The following GRK3 variants were observed in gnomAD, a reference collection of about 807,000 sequenced individuals.
GRK3 encodes adrenergic, beta, receptor kinase 2.
Under a neutral mutation model 95.7 loss-of-function variants are expected in GRK3, and 54 were observed. The observed-to-expected ratio is 0.56, with a 90% confidence interval of 0.45 to 0.71. GRK3 has a LOEUF of 0.71. Among genes scored for constraint, GRK3 ranks in the 30% least tolerant of loss-of-function variants. The pLI is 0.00. For synonymous variants in GRK3, 281 were observed against 290.8 expected (o/e 0.97, Z 0.34); for missense variants, 649 against 851.2 (o/e 0.76, Z 2.96).
chr22:25,571,399 T>A lies in GRK3; in HGVS notation c.113+6246T>A, dbSNP rs150431889. ...ATTGTATAATGTCCCAATAAAAATCTGCCTTGTGAGCATTTTCTGTCTATG... is the reference window on the plus strand; with the variant it reads ...ATTGTATAATGTCCCAATAAAAATCAGCCTTGTGAGCATTTTCTGTCTATG... On this transcript the variant is annotated intron_variant, in intron 1 of 20. Transcript: ENST00000324198. 2.6e-3 allele frequency among the ~76,000 whole-genome samples: 390 copies of A among 152,324 alleles called. 2 individuals are homozygous for A. Among genetic ancestry groups the A allele is most frequent in the African/African-American group, 9.1e-3 (380 of 41,562 alleles).
chr22:25,717,345 T>G (rs1249509513), intron 18 of GRK3, among the ~76,000 whole-genome samples: 1 of 152,176 alleles, frequency 6.6e-6, no homozygotes, highest in East Asian at 1.9e-4. Context: ...AAAGGACGAC[T>G]CCATCCTTCC....
chr22:25,648,562 A>T (rs2084804267), intron 3 of GRK3: 2 of 1,402,290 alleles, frequency 1.4e-6, no homozygotes, highest in South Asian at 1.2e-5. Flanking sequence ...TTTCTTCAAG[A>T]AGCTCAGGTA....
intron 1 of GRK3, among the ~76,000 whole-genome samples, chr22:25,569,943 G>A (rs1931626315): frequency 6.6e-6 from 1 of 152,208 alleles, no homozygotes; most frequent in Admixed American, 6.5e-5. Flanking sequence ...AGTGGGAGAG[G>A]CAGGAGGGAC....
intron 3 of GRK3, among the ~76,000 whole-genome samples, chr22:25,650,402 C>A (rs113871754): frequency 1.3e-5 from 2 of 152,042 alleles, no homozygotes; most frequent in Non-Finnish European, 2.9e-5. Flanking sequence ...AGATAACATG[C>A]GGAGTAAGAC....
rs1465530275 is a variant in GRK3, at chr22:25,728,121, A to G, written c.*5671A>G. 1 of 152,224 alleles carries G rather than the reference A, an allele frequency of 6.6e-6. No individual in the cohort carries two copies. The highest frequency in any genetic ancestry group is 1.5e-5 in the Non-Finnish European group (1 of 68,044). 9.4% of individuals were successfully genotyped at this position (152,224 alleles called of 1,614,324 possible). A position where few individuals can be genotyped will look rare whatever the true frequency, so the allele number is the denominator to read the frequency against. On this transcript the variant is annotated 3_prime_UTR_variant, in exon 21 of 21. Transcript: ENST00000324198. ...TTTGTATAGTTTGTTATTTAAAGAA[A>G]TGGCAGTCCTTCCTGTTCTTAATAC...
intron 11 of GRK3, among the ~76,000 whole-genome samples, chr22:25,688,235 CAAAAA>C (rs35383882): frequency 4.7e-5 from 3 of 63,486 alleles, no homozygotes; most frequent in Non-Finnish European, 6.4e-5. Context: ...GACTCTGTCT[CAAAAA>C]AAAAAAAAAA....
chr22:25,678,520 A>T (rs1204308638), intron 8 of GRK3, among the ~76,000 whole-genome samples: 2 of 152,254 alleles, frequency 1.3e-5, no homozygotes, highest in Non-Finnish European at 2.9e-5. Flanking sequence ...TAGCTGCTAA[A>T]TATATACATA....
intron 2 of GRK3, among the ~76,000 whole-genome samples, chr22:25,620,059 G>T (rs1030325810): frequency 1.1e-5 from 1 of 91,328 alleles, no homozygotes; most frequent in South Asian, 3.6e-4. Context: ...TGTGTGTGTG[G>T]TTTTAAGGAG....
chr22:25,655,722 T>G (rs1430381570), intron 3 of GRK3, among the ~76,000 whole-genome samples: 1 of 152,166 alleles, frequency 6.6e-6, no homozygotes, highest in East Asian at 1.9e-4. Flanking sequence ...AGTATCTACC[T>G]TATGTCAGAC....
intron 2 of GRK3, among the ~76,000 whole-genome samples, chr22:25,608,416 C>T (rs1229473246): frequency 3.3e-5 from 5 of 152,152 alleles, no homozygotes; most frequent in Non-Finnish European, 5.9e-5. Flanking sequence ...GTGTTGCCCC[C>T]ATGCGTAACA....
chr22:25,608,080 G>A (rs111791448), intron 2 of GRK3, among the ~76,000 whole-genome samples: 3,443 of 152,244 alleles, frequency 0.023, 61 homozygotes, highest in Middle Eastern at 0.068. Context: ...CTCAGATGTG[G>A]TCGGTGTCAG....
At chr22:25,610,024 T>A (rs1479254083) in intron 2 of GRK3, among the ~76,000 whole-genome samples, 5 of 151,172 alleles carry the variant, frequency 3.3e-5, no homozygotes, top group African/African-American at 7.3e-5. Flanking sequence ...ATTTTTGTAT[T>A]TTTTTTTAAG....
intron 17 of GRK3, among the ~76,000 whole-genome samples, chr22:25,713,146 G>A (rs1333232446): frequency 1.3e-5 from 2 of 152,214 alleles, no homozygotes; most frequent in Non-Finnish European, 2.9e-5. Context: ...CAGAATAACT[G>A]CCTGGGCAAG....
chr22:25,594,865 C>T (rs5761136), intron 1 of GRK3, among the ~76,000 whole-genome samples: 3 of 151,252 alleles, frequency 2.0e-5, no homozygotes, highest in East Asian at 1.9e-4. Context: ...GGCAACAGAG[C>T]GAAACTCCAT....
intron 6 of GRK3, among the ~76,000 whole-genome samples, 188 bp from the exon 7 acceptor site, chr22:25,672,108 C>A (rs920626648): frequency 6.6e-6 from 1 of 152,132 alleles, no homozygotes; most frequent in African/African-American, 2.4e-5. Context: ...AACATGAAAT[C>A]TTTCATTTGA....
intron 8 of GRK3, among the ~76,000 whole-genome samples, chr22:25,676,359 G>T (rs1376731338): frequency 3.9e-5 from 6 of 152,110 alleles, no homozygotes; most frequent in Admixed American, 2.6e-4. Context: ...CTTCATAATT[G>T]TATTTAGAAT....
chr22:25,608,273 G>C (rs935425361), intron 2 of GRK3, among the ~76,000 whole-genome samples: 4 of 152,160 alleles, frequency 2.6e-5, no homozygotes, highest in African/African-American at 9.7e-5. Flanking sequence ...AAAATGGTGA[G>C]TTTTCTAAAT....
At position 25,710,060 on chromosome 22, in the gene GRK3, G is replaced by T. The variant is rs1010686820; in HGVS notation, c.1395+96G>T. The T allele has an allele frequency of 1.4e-5, 13 of 931,530 alleles. No homozygotes were observed. In the African/African-American group the frequency reaches 2.1e-4, roughly 15 times the overall value. 57.7% of individuals were successfully genotyped at this position (931,530 alleles called of 1,614,324 possible). A position where few individuals can be genotyped will look rare whatever the true frequency, so the allele number is the denominator to read the frequency against. On this transcript the variant is annotated intron_variant, in intron 16 of 20. Transcript: ENST00000324198. ...TTCTGTCTCTGTCTCTCTATGCACT[G>T]CTGGCTTCCTGGCTGTGTCTCCCCA...
Position 25,674,473 on chromosome 22 carries a change from G to A in GRK3, c.592G>A (p.Gly198Arg). 1 of 1,614,100 alleles carries A rather than the reference G, an allele frequency of 6.2e-7. No individual in the cohort carries two copies. The highest frequency in any genetic ancestry group is 1.1e-5 in the South Asian group (1 of 91,080). ...TGAGTTCAGTGTGCATAGGATTATT[G>A]GACGAGGAGGATTCGGGGAAGTTTA... Reference protein sequence around the residue: ...MNEFSVHRIIGRGGFGEVYGC... With the variant: ...MNEFSVHRIIRRGGFGEVYGC... Residue 198 changes from glycine (G) to arginine (R), a missense_variant, in exon 8 of 21, where the codon GGA becomes AGA. Physicochemically the swap from Gly to Arg is moderately radical, Grantham distance 125. Transcript: ENST00000324198.
Sources: gnomAD v4.1 joint callset for allele counts (sites outside exome capture counted in the v4.1 genomes callset) on GRCh38, gnomAD v4.1.1 for gene constraint, MANE v1.5 for transcripts, NCBI Gene and HGNC (gene_info 2026-07-23, HGNC 2026-07-21) for gene names.